SPATA13: variants seen among roughly 807,000 people sequenced by gnomAD.
SPATA13 encodes the protein spermatogenesis-associated protein 13.
A neutral mutation model predicts 104.0 loss-of-function variants in SPATA13; 50 were observed. That is an observed-to-expected ratio of 0.48 (90% confidence interval 0.38 to 0.61). The LOEUF is 0.61. Ranked by LOEUF, SPATA13 falls within the 20% of genes least tolerant of loss-of-function variation. SPATA13 has a pLI of 0.00. For synonymous variants in SPATA13, 606 were observed against 667.5 expected (o/e 0.91, Z 1.42); for missense variants, 1,524 against 1,690.6 (o/e 0.90, Z 1.73).
chr13:24,113,296 G>A (rs1880709447), intron 3 of SPATA13, among the ~76,000 whole-genome samples: 1 of 152,188 alleles, frequency 6.6e-6, no homozygotes, highest in Non-Finnish European at 1.5e-5. Flanking sequence ...CTCTTGAATT[G>A]GATGTTTCAT....
At chr13:24,271,581 T>C (rs148947498) in intron 4 of SPATA13, among the ~76,000 whole-genome samples, 4 of 152,340 alleles carry the variant, frequency 2.6e-5, no homozygotes, top group Admixed American at 2.0e-4. Context: ...AAAGAAACTT[T>C]GTACTCTCAC....
intron 3 of SPATA13, among the ~76,000 whole-genome samples, chr13:24,041,537 A>T (rs576270006): frequency 1.9e-4 from 29 of 152,398 alleles, no homozygotes; most frequent in African/African-American, 7.0e-4. Context: ...AATACCTTGT[A>T]GGTCAAAGGT....
rs973865851 is a variant in SPATA13, at chr13:24,303,058, C to T, written c.*285C>T. On this transcript the variant is annotated 3_prime_UTR_variant, in exon 13 of 13. Coordinates refer to ENST00000382108, the MANE Select transcript of SPATA13 (RefSeq NM_001166271.3). ...TGGGACCCGGTACCATGCTCTAAAG[C>T]GAGTGATTAGGCAGCAGCTGAAGCC... 6 of 463,594 alleles carry T rather than the reference C, an allele frequency of 1.3e-5. No individual in the cohort carries two copies. The highest frequency in any genetic ancestry group is 3.1e-4 in the Middle Eastern group (1 of 3,176). The allele number at this position is 463,594 out of a possible 1,614,324, so 28.7% of individuals were successfully genotyped here. A position where few individuals can be genotyped will look rare whatever the true frequency, so the allele number is the denominator to read the frequency against.
At chr13:24,263,158 T>A (rs1476161242) in intron 4 of SPATA13, among the ~76,000 whole-genome samples, 2 of 152,370 alleles carry the variant, frequency 1.3e-5, no homozygotes, top group South Asian at 2.1e-4. Flanking sequence ...CCATAACATC[T>A]TTTTGTTCTC....
chr13:24,182,636 C>T (rs1868886276), intron 1 of SPATA13, among the ~76,000 whole-genome samples: 1 of 152,184 alleles, frequency 6.6e-6, no homozygotes, highest in Non-Finnish European at 1.5e-5. Context: ...GACCCAAACA[C>T]CTCCCCCAGG....
chr13:24,302,755 C>CACCCCCTTCCGG lies in SPATA13; in HGVS notation c.3818_3829dup (p.Thr1273_Arg1276dup), dbSNP rs1484298364. 3.7e-6 allele frequency: 6 copies of CACCCCCTTCCGG among 1,614,210 alleles called. No homozygotes were observed. In the East Asian group the frequency reaches 1.3e-4, roughly 36 times the overall value. On this transcript the variant is annotated inframe_insertion, in exon 13 of 13. Transcript: ENST00000382108. ...TCTTCTGGCACACCTTCAACAGGCT[C>CACCCCCTTCCGG]ACCCCCTTCCGGAAATGAAAACAGG...
chr13:24,284,359 C>T (rs1298446604), intron 5 of SPATA13, 88 bp downstream of exon 5: 12 of 1,392,054 alleles, frequency 8.6e-6, no homozygotes, highest in Non-Finnish European at 1.2e-5. Context: ...CCTAGTTCTT[C>T]TTTACTAAGC....
chr13:24,017,501 A>ATG (rs1319485484), intron 2 of SPATA13, among the ~76,000 whole-genome samples: 2 of 152,260 alleles, frequency 1.3e-5, no homozygotes, highest in East Asian at 3.9e-4. Context: ...CTGTGTTTGT[A>ATG]TGTGTATATA....
chr13:24,062,318 T>A (rs544276202), intron 3 of SPATA13, among the ~76,000 whole-genome samples: 153 of 152,350 alleles, frequency 1.0e-3, no homozygotes, highest in African/African-American at 3.6e-3. Context: ...GGTGAGGCTG[T>A]CATCTTTGGA....
Position 24,088,673 on chromosome 13 carries a change from A to G in SPATA13, c.-112+70972A>G, listed in dbSNP as rs553050618. On this transcript the variant is annotated intron_variant, in intron 3 of 14. Coordinates refer to the SPATA13 transcript ENST00000424834. The surrounding 1 kb of genome is among the most constrained non-coding windows in gnomAD (Gnocchi z 4.3). ...TCAAAGCTCAGAATCACTGCCTTCC[A>G]GAAGGTGTATAGTAGAAACTCAGTG... 6.6e-6 allele frequency among the ~76,000 whole-genome samples: 1 copy of G among 152,370 alleles called. No individual in the cohort carries two copies. The highest frequency in any genetic ancestry group is 1.5e-5 in the Non-Finnish European group (1 of 68,032).
intron 2 of SPATA13, among the ~76,000 whole-genome samples, chr13:24,000,919 A>G (rs1171750226): frequency 1.3e-5 from 2 of 152,122 alleles, no homozygotes; most frequent in African/African-American, 4.8e-5. Flanking sequence ...TCCCTGGGTC[A>G]GAGGTGTGAA....
chr13:24,027,131 G>T (rs1877257582), intron 3 of SPATA13, among the ~76,000 whole-genome samples: 3 of 125,534 alleles, frequency 2.4e-5, no homozygotes, highest in African/African-American at 5.8e-5. Flanking sequence ...TTTTTGTTTA[G>T]CCGTTTTTTT....
intron 1 of SPATA13, among the ~76,000 whole-genome samples, chr13:24,209,657 C>T (rs558747822): frequency 7.2e-5 from 11 of 152,276 alleles, no homozygotes; most frequent in Admixed American, 5.2e-4. Flanking sequence ...TTTCTTTATC[C>T]ATTCATCCAT....
At chr13:24,049,376 A>G (rs948751313) in intron 3 of SPATA13, among the ~76,000 whole-genome samples, 6 of 152,242 alleles carry the variant, frequency 3.9e-5, no homozygotes, top group African/African-American at 1.4e-4. Context: ...TAACGTGTGC[A>G]GGTTTGTTGC....
intron 1 of SPATA13, among the ~76,000 whole-genome samples, chr13:24,166,542 A>C (rs9511100): frequency 6.6e-6 from 1 of 152,058 alleles, no homozygotes; most frequent in East Asian, 1.9e-4. Flanking sequence ...AGCCCCAAGC[A>C]CATCAGTCAT....
intron 3 of SPATA13, among the ~76,000 whole-genome samples, chr13:24,069,217 T>C (rs546444481): frequency 4.8e-4 from 73 of 152,328 alleles, no homozygotes; most frequent in African/African-American, 1.7e-3. Flanking sequence ...TTGAGCAGTA[T>C]GGCCATTTTT....
At chr13:23,991,808 G>A (rs1021921438) in intron 2 of SPATA13, among the ~76,000 whole-genome samples, 2 of 152,090 alleles carry the variant, frequency 1.3e-5, no homozygotes, top group South Asian at 4.2e-4. Context: ...GCTGGGGTTG[G>A]GAGGTGGGTG....
intron 2 of SPATA13, among the ~76,000 whole-genome samples, chr13:24,225,670 G>T (rs1249791309): frequency 3.9e-5 from 6 of 152,232 alleles, no homozygotes; most frequent in African/African-American, 1.4e-4. Flanking sequence ...TGTTGCAGCT[G>T]CCTGGTGCTG....
intron 2 of SPATA13, among the ~76,000 whole-genome samples, chr13:23,993,304 C>T (rs1387019246): frequency 6.6e-6 from 1 of 152,238 alleles, no homozygotes; most frequent in Non-Finnish European, 1.5e-5. Context: ...TCAACTGTTT[C>T]TTTTCCATAG....
Sources: gnomAD v4.1 joint callset for allele counts (sites outside exome capture counted in the v4.1 genomes callset) on GRCh38, gnomAD v4.1.1 for gene constraint, Gnocchi (gnomAD v3.1) non-coding constraint, MANE v1.5 for transcripts, NCBI Gene and HGNC (gene_info 2026-07-23, HGNC 2026-07-21) for gene names.